The following MICALL1 variants were observed in gnomAD, a reference collection of about 807,000 sequenced individuals.
The protein encoded by MICALL1 is MICAL-like protein 1.
In MICALL1, 61 loss-of-function variants were observed where a neutral mutation model predicts 83.7. That is an observed-to-expected ratio of 0.73 (90% confidence interval 0.59 to 0.90). The LOEUF is 0.90. Among genes scored for constraint, MICALL1 ranks in the 40% least tolerant of loss-of-function variants. MICALL1 has a pLI of 0.00. For synonymous variants in MICALL1, 481 were observed against 473.6 expected, an observed-to-expected ratio of 1.02 and a Z score of -0.20; for missense variants, 1,066 against 1,152.0, an observed-to-expected ratio of 0.93 and a Z score of 1.08.
chr22:37,931,107 G>A (rs1460839989), intron 9 of MICALL1, among the ~76,000 whole-genome samples: 1 of 152,218 alleles, frequency 6.6e-6, no homozygotes. Context: ...GGCTGCCCAG[G>A]CCCTGAAACA....
chr22:37,931,082 C>G (rs932538716), intron 9 of MICALL1, among the ~76,000 whole-genome samples: 3 of 152,212 alleles, frequency 2.0e-5, no homozygotes, highest in Admixed American at 6.5e-5. Context: ...TAACCACTAC[C>G]CCTCAATGCT....
rs1929298497 is a variant in MICALL1 at position 37,924,557 on chromosome 22, G to T, written c.1025-103G>T. ...CTGGGGAGGTGCGAGGGTGCCAGGA[G>T]GAAGGCGGGGCGCTCCTGGGGAGGC... is the stretch of plus-strand genomic sequence containing the variant. On this transcript the variant is annotated intron_variant, in intron 6 of 15. Coordinates refer to ENST00000215957, the MANE Select transcript of MICALL1 (RefSeq NM_033386.4). The surrounding 1 kb of genome is among the most constrained non-coding windows in gnomAD (Gnocchi z 5.2). The T allele has an allele frequency of 2.2e-5, 25 of 1,142,862 alleles. 1 individual carries two copies. The highest frequency in any genetic ancestry group is 3.2e-5 in the Non-Finnish European group (25 of 787,482). 70.8% of individuals were successfully genotyped at this position (1,142,862 alleles called of 1,614,324 possible). A position where few individuals can be genotyped will look rare whatever the true frequency, so the allele number is the denominator to read the frequency against.
intron 5 of MICALL1, among the ~76,000 whole-genome samples, chr22:37,919,727 C>T (rs1928908306): frequency 6.6e-6 from 1 of 151,442 alleles, no homozygotes; most frequent in Admixed American, 6.6e-5. Flanking sequence ...GTGGCTCACG[C>T]CTGTAATCCC....
At chr22:37,910,002 G>T (rs991758316) in intron 1 of MICALL1, among the ~76,000 whole-genome samples, 1 of 152,098 alleles carries the variant, frequency 6.6e-6, no homozygotes, top group South Asian at 2.1e-4. Context: ...CCATCCCTCC[G>T]CACCACCCGA....
At position 37,924,470 on chromosome 22, in the gene MICALL1, C is replaced by T. The variant is rs1179296888; in HGVS notation, c.1025-190C>T. On this transcript the variant is annotated intron_variant, in intron 6 of 15. Transcript: ENST00000215957. This position sits in a 1 kb window ranked among gnomAD's most constrained non-coding sequence, Gnocchi z 5.2. ...AAATGCAAACGGGGTCTCAGGTGGCCTGGCCTTGACCCCTGACTGTTCTCA... is the reference window on the plus strand; with the variant it reads ...AAATGCAAACGGGGTCTCAGGTGGCTTGGCCTTGACCCCTGACTGTTCTCA... Among the ~76,000 whole-genome samples, 2 of 152,178 alleles carry T rather than the reference C, an allele frequency of 1.3e-5. No individual in the cohort carries two copies. The highest frequency in any genetic ancestry group is 4.8e-5 in the African/African-American group (2 of 41,450).
intron 13 of MICALL1, among the ~76,000 whole-genome samples, chr22:37,934,896 CTATT>C (rs905641924): frequency 1.4e-5 from 2 of 147,754 alleles, no homozygotes; most frequent in African/African-American, 5.0e-5. Context: ...GCGCCTGGCT[CTATT>C]TATTTATTTA....
Position 37,906,537 on chromosome 22 carries a change from G to T in MICALL1, c.115G>T (p.Ala39Ser). ...CTTCCGGGACGGCCTGGCCTTCTGC[G>T]CCATCCTGCACCGGCACCGGCCCGA... ...SSFRDGLAFC[A>S]ILHRHRPDLL... The change falls in exon 1 of 16, where the codon GCC becomes TCC. Residue 39 changes from alanine (A) to serine (S), a missense_variant. Coordinates refer to ENST00000215957, the MANE Select transcript of MICALL1 (RefSeq NM_033386.4). This position sits in a 1 kb window ranked among gnomAD's most constrained non-coding sequence, Gnocchi z 4.4. The T allele has an allele frequency of 8.2e-7, 1 of 1,219,188 alleles. No individual in the cohort carries two copies. The highest frequency in any genetic ancestry group is 1.0e-6 in the Non-Finnish European group (1 of 970,218). 75.5% of individuals were successfully genotyped at this position (1,219,188 alleles called of 1,614,324 possible). A position where few individuals can be genotyped will look rare whatever the true frequency, so the allele number is the denominator to read the frequency against.
intron 14 of MICALL1, 87 bp from the exon 15 acceptor site, chr22:37,937,659 G>A: frequency 7.2e-7 from 1 of 1,395,968 alleles, no homozygotes; most frequent in Non-Finnish European, 1.0e-6. Flanking sequence ...CCTGACTTCA[G>A]GTGATCCACC....
chr22:37,937,203 G>C lies in MICALL1; in HGVS notation c.2423+9G>C. The C allele has an allele frequency of 6.5e-7, 1 of 1,537,992 alleles. No individual in the cohort carries two copies. ...GATGAGGACCGGCAGAGGTGACATG[G>C]CCAGGGGTGGGGGGTCCTGGGGGCA... On this transcript the variant is annotated intron_variant, in intron 14 of 15. Transcript: ENST00000215957.
chr22:37,929,512 G>A (rs374056176), intron 9 of MICALL1, among the ~76,000 whole-genome samples: 1 of 152,204 alleles, frequency 6.6e-6, no homozygotes, highest in South Asian at 2.1e-4. Context: ...GGTGTTTACC[G>A]AGGAGAGCAG....
At chr22:37,911,866 G>C in intron 1 of MICALL1, 86 bp from the exon 2 acceptor site, 2 of 1,344,834 alleles carry the variant, frequency 1.5e-6, no homozygotes. Flanking sequence ...GGTCTTCTCT[G>C]TTCAGCTCCT....
chr22:37,935,296 T>C lies in MICALL1; in HGVS notation c.2309-1784T>C, dbSNP rs1404551463. On this transcript the variant is annotated intron_variant, in intron 13 of 15. Coordinates refer to ENST00000215957, the MANE Select transcript of MICALL1 (RefSeq NM_033386.4). ...ATTTTTTTGAGTCAGAGTCTCGCTC[T>C]GTCGCCTAGGCTGGAGTGCAGTGGC... is the stretch of plus-strand genomic sequence containing the variant. Among the ~76,000 whole-genome samples, 8 of 151,756 alleles carry C rather than the reference T, an allele frequency of 5.3e-5. 1 individual carries two copies. The highest frequency in any genetic ancestry group is 3.3e-4 in the Admixed American group (5 of 15,192).
In MICALL1 at chr22:37,924,095, A is replaced by T. The variant is rs1222890520; in HGVS notation, c.1025-565A>T. 6.6e-6 allele frequency among the ~76,000 whole-genome samples: 1 copy of T among 151,842 alleles called. No homozygotes were observed. The highest frequency in any genetic ancestry group is 2.4e-5 in the African/African-American group (1 of 41,312). On this transcript the variant is annotated intron_variant, in intron 6 of 15. Transcript: ENST00000215957. The surrounding 1 kb of genome is among the most constrained non-coding windows in gnomAD (Gnocchi z 5.2). ...GGCATTGGTGGCCACGGGGAGAGAGACTCCCAGGGTCACCCTGCGACTTGC... is the reference window on the plus strand; with the variant it reads ...GGCATTGGTGGCCACGGGGAGAGAGTCTCCCAGGGTCACCCTGCGACTTGC...
At position 37,925,522 on chromosome 22, in the gene MICALL1, C is replaced by G. The variant is rs1451211109; in HGVS notation, c.1083-139C>G. On this transcript the variant is annotated intron_variant, in intron 7 of 15. Coordinates refer to ENST00000215957, the MANE Select transcript of MICALL1 (RefSeq NM_033386.4). Reference sequence around the variant, plus strand: ...TGTAACATTCCATTTCAGACTGTCCCCATGGGGATGGGGGTGGGAGAAGGG... The same window carrying G: ...TGTAACATTCCATTTCAGACTGTCCGCATGGGGATGGGGGTGGGAGAAGGG... The G allele has an allele frequency of 1.1e-5, 7 of 628,404 alleles. No homozygotes were observed. In the African/African-American group the frequency reaches 1.3e-4, roughly 12 times the overall value. 38.9% of individuals were successfully genotyped at this position (628,404 alleles called of 1,614,324 possible).
Position 37,925,645 on chromosome 22 carries a change from T to C in MICALL1, c.1083-16T>C, listed in dbSNP as rs771154971. ...TGCCTCTGCTAATGGTTTCTGCTGCTTCCCCCCTCCTCCAGGACACCAGCC... is the reference window on the plus strand; with the variant it reads ...TGCCTCTGCTAATGGTTTCTGCTGCCTCCCCCCTCCTCCAGGACACCAGCC... On this transcript the variant is annotated splice_polypyrimidine_tract_variant and intron_variant, in intron 7 of 15. Transcript: ENST00000215957. The C allele has an allele frequency of 1.3e-6, 2 of 1,587,424 alleles. No homozygotes were observed. The highest frequency in any genetic ancestry group is 1.7e-6 in the Non-Finnish European group (2 of 1,162,926).
chr22:37,919,178 G>C lies in MICALL1; in HGVS notation c.569G>C (p.Arg190Pro), dbSNP rs1222600461. ...DGRLYHRHCF[R>P]CRRCSSTLLP... ...AGGCTGTACCATCGCCACTGCTTCC[G>C]GTGAGTGGCCAGGGCCGCGTGTTAC... Residue 190 changes from arginine (R) to proline (P), a missense_variant and splice_region_variant, in exon 5 of 16, where the codon CGG becomes CCG. Transcript: ENST00000215957. 6.5e-7 allele frequency: 1 copy of C among 1,530,602 alleles called. No individual in the cohort carries two copies. Among genetic ancestry groups the C allele is most frequent in the East Asian group, 2.5e-5 (1 of 40,032 alleles). The allele number at this position is 1,530,602 out of a possible 1,614,324, so 94.8% of individuals were successfully genotyped here.
intron 3 of MICALL1, among the ~76,000 whole-genome samples, chr22:37,913,127 T>G (rs1456410873): frequency 3.9e-5 from 6 of 151,954 alleles, no homozygotes; most frequent in Non-Finnish European, 7.4e-5. Context: ...TACACCTGGC[T>G]AATTTTTGGT....
rs1318304724 is a variant in MICALL1, at chr22:37,927,458, C to G, written c.1513C>G (p.Pro505Ala). ...LSHSEPPSAT[P>A]SPALSVESLS... Reference sequence around the variant, plus strand: ...GCACTCGGAGCCGCCCTCGGCCACACCATCGCCAGCGCTCAGCGTGGAGAG... The same window carrying G: ...GCACTCGGAGCCGCCCTCGGCCACAGCATCGCCAGCGCTCAGCGTGGAGAG... Residue 505 changes from proline (P) to alanine (A), a missense_variant, in exon 9 of 16, where the codon CCA becomes GCA. Pro to Ala is a conservative substitution (Grantham distance 27). Coordinates refer to ENST00000215957, the MANE Select transcript of MICALL1 (RefSeq NM_033386.4). 1 of 1,604,200 alleles carries G rather than the reference C, an allele frequency of 6.2e-7. No homozygotes were observed. Among genetic ancestry groups the G allele is most frequent in the East Asian group, 2.2e-5 (1 of 44,594 alleles).
intron 1 of MICALL1, among the ~76,000 whole-genome samples, chr22:37,911,015 A>G (rs1211416936): frequency 6.6e-6 from 1 of 152,288 alleles, no homozygotes; most frequent in African/African-American, 2.4e-5. Context: ...CTGCATGCGG[A>G]TGCACCCAGG....
Sources: gnomAD v4.1 joint callset for allele counts (sites outside exome capture counted in the v4.1 genomes callset) on GRCh38, gnomAD v4.1.1 for gene constraint, Gnocchi (gnomAD v3.1) non-coding constraint, MANE v1.5 for transcripts, NCBI Gene and HGNC (gene_info 2026-07-23, HGNC 2026-07-21) for gene names.